HSD17B12: variants seen among roughly 807,000 people sequenced by gnomAD.
The protein encoded by HSD17B12 is very-long-chain 3-oxoacyl-CoA reductase.
Under a neutral mutation model 39.3 loss-of-function variants are expected in HSD17B12, and 32 were observed. That is an observed-to-expected ratio of 0.81 (90% CI 0.61 to 1.09). HSD17B12 has a LOEUF of 1.09. Among genes scored for constraint, HSD17B12 ranks in the 50% least tolerant of loss-of-function variants. HSD17B12 has a pLI of 0.00. For synonymous variants in HSD17B12, 150 were observed against 146.7 expected (o/e 1.02, Z -0.16); for missense variants, 342 against 382.9 (o/e 0.89, Z 0.89).
intron 1 of HSD17B12, among the ~76,000 whole-genome samples, chr11:43,682,291 G>T (rs753415247): frequency 6.6e-6 from 1 of 152,146 alleles, no homozygotes; most frequent in Non-Finnish European, 1.5e-5. Context: ...GATGGCTCAC[G>T]CCTGTAATCC....
intron 8 of HSD17B12, among the ~76,000 whole-genome samples, chr11:43,839,390 C>T (rs1951403309): frequency 6.6e-6 from 1 of 152,134 alleles, no homozygotes; most frequent in Non-Finnish European, 1.5e-5. Context: ...AAAACTATGA[C>T]TAATTAGGAC....
At chr11:43,680,012 T>G (rs1949725422), upstream of HSD17B12, among the ~76,000 whole-genome samples, 1 of 150,894 alleles carries the variant, frequency 6.6e-6, no homozygotes, top group South Asian at 2.1e-4. Flanking sequence ...ATATGTAAAA[T>G]ATATATTTAT....
At chr11:43,675,055 C>T in the HSD17B12 span, among the ~76,000 whole-genome samples, 11 of 152,278 alleles carry the variant, frequency 7.2e-5, no homozygotes, top group African/African-American at 9.6e-5. Flanking sequence ...GTATTTATTG[C>T]ATACCAAGTG....
chr11:43,641,952 T>G, the HSD17B12 span, among the ~76,000 whole-genome samples: 6 of 151,914 alleles, frequency 3.9e-5, no homozygotes, highest in African/African-American at 9.7e-5. Context: ...TATGCAAATT[T>G]GCACATTCTA....
the HSD17B12 span, among the ~76,000 whole-genome samples, chr11:43,615,153 T>C: frequency 6.6e-6 from 1 of 152,182 alleles, no homozygotes; most frequent in Non-Finnish European, 1.5e-5. Flanking sequence ...CTTTGAAGTT[T>C]GTTTTTAAAG....
intron 3 of HSD17B12, among the ~76,000 whole-genome samples, chr11:43,788,685 CAAAAAAAAAAA>C (rs57970272): frequency 2.0e-5 from 2 of 100,918 alleles, no homozygotes; most frequent in Admixed American, 1.1e-4. Flanking sequence ...TTTCCTTCCT[CAAAAAAAAAAA>C]AAAAAAAAAA....
At chr11:43,619,369 C>T in the HSD17B12 span, among the ~76,000 whole-genome samples, 2 of 141,398 alleles carry the variant, frequency 1.4e-5, no homozygotes, top group African/African-American at 5.0e-5. Flanking sequence ...TGCATTCAAG[C>T]CAATGCACTT....
At chr11:43,808,286 A>G (rs1301974415) in intron 4 of HSD17B12, among the ~76,000 whole-genome samples, 3 of 129,258 alleles carry the variant, frequency 2.3e-5, no homozygotes, top group South Asian at 5.1e-4. Context: ...GAATAGGTGC[A>G]TGGATTTTTT....
the HSD17B12 span, among the ~76,000 whole-genome samples, chr11:43,575,032 C>T: frequency 6.6e-6 from 1 of 152,254 alleles, no homozygotes; most frequent in Non-Finnish European, 1.5e-5. The surrounding 1 kb of genome is among the most constrained non-coding windows in gnomAD (Gnocchi z 4.1). Flanking sequence ...CCAGAACTGA[C>T]GCCTTCGAGG....
intron 3 of HSD17B12, among the ~76,000 whole-genome samples, chr11:43,797,866 A>G (rs1950928905): frequency 1.3e-5 from 2 of 152,182 alleles, no homozygotes; most frequent in Non-Finnish European, 2.9e-5. Flanking sequence ...CATTGTGATA[A>G]GATAGACTTT....
At chr11:43,652,009 G>C in the HSD17B12 span, among the ~76,000 whole-genome samples, 1 of 152,308 alleles carries the variant, frequency 6.6e-6, no homozygotes, top group South Asian at 2.1e-4. Context: ...TTGTGAGAAA[G>C]ATACCATGTT....
At chr11:43,591,314 G>A in the HSD17B12 span, among the ~76,000 whole-genome samples, 8 of 152,080 alleles carry the variant, frequency 5.3e-5, no homozygotes, top group Non-Finnish European at 1.0e-4. Flanking sequence ...AGTGTTTTCA[G>A]ATATTTGCAG....
chr11:43,832,082 G>GTATTTTAATTGTGTA (rs1190384029), intron 7 of HSD17B12, among the ~76,000 whole-genome samples: 1 of 152,154 alleles, frequency 6.6e-6, no homozygotes, highest in East Asian at 1.9e-4. Flanking sequence ...TATTTTAATT[G>GTATTTTAATTGTGTA]TTTTATTTTA....
chr11:43,808,187 C>T (rs1188066822), intron 4 of HSD17B12, among the ~76,000 whole-genome samples: 2 of 152,046 alleles, frequency 1.3e-5, no homozygotes, highest in Admixed American at 6.6e-5. Flanking sequence ...GTAGTTGGGT[C>T]GCTGGGCACA....
the HSD17B12 span, among the ~76,000 whole-genome samples, chr11:43,669,789 T>A: frequency 6.6e-6 from 1 of 152,348 alleles, no homozygotes; most frequent in African/African-American, 2.4e-5. Context: ...ACCCTAATCC[T>A]TTATGACCTC....
At chr11:43,802,149 C>T (rs1392515810) in intron 4 of HSD17B12, among the ~76,000 whole-genome samples, 1 of 151,848 alleles carries the variant, frequency 6.6e-6, no homozygotes, top group East Asian at 1.9e-4. Flanking sequence ...CCATGCCTGG[C>T]TAATTTTTTG....
chr11:43,778,206 C>T (rs971616610), intron 3 of HSD17B12, among the ~76,000 whole-genome samples: 4 of 152,316 alleles, frequency 2.6e-5, no homozygotes, highest in East Asian at 1.9e-4. Context: ...ACTACAAACA[C>T]CTCTATGCAA....
At chr11:43,606,430 A>T in the HSD17B12 span, among the ~76,000 whole-genome samples, 1 of 152,238 alleles carries the variant, frequency 6.6e-6, no homozygotes, top group African/African-American at 2.4e-5. Flanking sequence ...ATTATAGCTG[A>T]GGATCTCAGG....
At chr11:43,623,661 C>T in the HSD17B12 span, among the ~76,000 whole-genome samples, 2 of 151,806 alleles carry the variant, frequency 1.3e-5, no homozygotes, top group Admixed American at 1.3e-4. Flanking sequence ...GGGGGTAAAA[C>T]GCTTTTATTT....
Sources: allele counts gnomAD v4.1 joint callset (sites outside exome capture counted in the v4.1 genomes callset), GRCh38; gene constraint gnomAD v4.1.1; non-coding constraint Gnocchi (gnomAD v3.1); transcripts MANE v1.5; gene names NCBI Gene and HGNC (gene_info 2026-07-23, HGNC 2026-07-21).